The following ARFGEF3 variants were observed in gnomAD, a reference collection of about 807,000 sequenced individuals.
ARFGEF3 encodes brefeldin A-inhibited guanine nucleotide-exchange protein 3.
In ARFGEF3, 96 loss-of-function variants were observed where a neutral mutation model predicts 221.7. That is an observed-to-expected ratio of 0.43 (90% CI 0.37 to 0.51). ARFGEF3 has a LOEUF of 0.51. ARFGEF3 is among the 20% of genes least tolerant of loss of function. The probability of loss-of-function intolerance (pLI) is 0.00; values close to 1 mark genes in which losing one functional copy is unlikely to be tolerated. For missense variants in ARFGEF3, 2,410 were observed against 2,789.9 expected, an observed-to-expected ratio of 0.86 and a Z score of 3.07; for synonymous variants, 1,145 against 1,126.8, an observed-to-expected ratio of 1.02 and a Z score of -0.32.
intron 2 of ARFGEF3, among the ~76,000 whole-genome samples, chr6:138,194,989 A>ATT (rs747099029): frequency 0.018 from 1,495 of 84,112 alleles, 195 homozygotes; most frequent in African/African-American, 0.057. Flanking sequence ...CTTTTCCCTA[A>ATT]TTTTTTTTTT....
At position 138,296,842 on chromosome 6, in the gene ARFGEF3, G is replaced by A. The variant is rs370893557; in HGVS notation, c.3535G>A (p.Ala1179Thr). 27 of 1,613,812 alleles carry A rather than the reference G, an allele frequency of 1.7e-5. No homozygotes were observed. In the African/African-American group the frequency reaches 2.7e-4, roughly 16 times the overall value. Reference sequence around the variant, plus strand: ...TAAATCCACTCAAGACCGAAAAAGCGCCCTCCACCTGTTCCGCCTGGGGAA... The same window carrying A: ...TAAATCCACTCAAGACCGAAAAAGCACCCTCCACCTGTTCCGCCTGGGGAA... The part of the protein sequence containing the change: ...EVKSTQDRKS[A>T]LHLFRLGNAM... Residue 1179 changes from alanine to threonine, a missense_variant, in exon 21 of 34, where the codon GCC (alanine) becomes ACC (threonine). Around this residue, in one of 5 missense-constraint regions of ARFGEF3, gnomAD observed 723 missense variants for 991.9 expected, o/e 0.73. Coordinates refer to ENST00000251691, the MANE Select transcript of ARFGEF3 (RefSeq NM_020340.5).
chr6:138,183,370 TAAGA>T, intron 2 of ARFGEF3, among the ~76,000 whole-genome samples: 1 of 152,212 alleles, frequency 6.6e-6, no homozygotes, highest in Non-Finnish European at 1.5e-5. Flanking sequence ...AGGATTTGAT[TAAGA>T]AAGAAAACAA....
At chr6:138,266,451 C>T (rs369474853) in intron 12 of ARFGEF3, among the ~76,000 whole-genome samples, 40 of 152,182 alleles carry the variant, frequency 2.6e-4, no homozygotes, top group African/African-American at 9.4e-4. Context: ...GTTGTTCTGG[C>T]TGGTCTCAAA....
At chr6:138,206,960 G>A (rs1388630858) in intron 2 of ARFGEF3, 82 bp from the exon 3 acceptor site, 8 of 988,288 alleles carry the variant, frequency 8.1e-6, no homozygotes, top group Non-Finnish European at 1.3e-5. Flanking sequence ...TGGCATTTGG[G>A]GGTGGGTGTA....
intron 14 of ARFGEF3, 22 bp from the exon 15 acceptor site, chr6:138,285,924 C>T (rs1344056829): frequency 2.0e-6 from 3 of 1,530,828 alleles, no homozygotes; most frequent in African/African-American, 1.4e-5. Flanking sequence ...TTAGGGAAAA[C>T]TTCTTTCTTT....
rs576452968 is a variant in ARFGEF3 at position 138,262,667 on chromosome 6, A to G, written c.1218-34A>G. On this transcript the variant is annotated intron_variant, in intron 11 of 33. Transcript: ENST00000251691. ...CAGAGATATTTTCTACATTTTATGCATTTATTCCATTTTCTCTTTTGAACA... is the reference window on the plus strand; with the variant it reads ...CAGAGATATTTTCTACATTTTATGCGTTTATTCCATTTTCTCTTTTGAACA... The G allele has an allele frequency of 9.7e-6, 15 of 1,552,582 alleles. No homozygotes were observed. In the South Asian group the frequency reaches 1.8e-4, roughly 19 times the overall value.
intron 23 of ARFGEF3, 86 bp downstream of exon 23, chr6:138,307,483 A>T: frequency 8.2e-7 from 1 of 1,213,480 alleles, no homozygotes; most frequent in Non-Finnish European, 1.2e-6. Context: ...ATTGAACAAT[A>T]GGGAAGACAG....
rs190376530 is a variant in ARFGEF3 at position 138,192,519 on chromosome 6, G to T, written c.138-14523G>T. Among the ~76,000 whole-genome samples the T allele has an allele frequency of 1.2e-3, 188 of 152,136 alleles. 1 individual carries two copies. Among genetic ancestry groups the T allele is most frequent in the African/African-American group, 4.3e-3 (179 of 41,508 alleles). On this transcript the variant is annotated intron_variant, in intron 2 of 33. Coordinates refer to ENST00000251691, the MANE Select transcript of ARFGEF3 (RefSeq NM_020340.5). ...AAACTAACCAAACAAACTCAGCTATGAGGTCTCTTCCCTGGCTCTATCTTT... is the reference window on the plus strand; with the variant it reads ...AAACTAACCAAACAAACTCAGCTATTAGGTCTCTTCCCTGGCTCTATCTTT...
At chr6:138,250,478 T>C (rs374703551) in intron 8 of ARFGEF3, among the ~76,000 whole-genome samples, 2 of 152,248 alleles carry the variant, frequency 1.3e-5, no homozygotes, top group East Asian at 3.8e-4. Flanking sequence ...AGATGGGGCC[T>C]GCCAAAGCAT....
At chr6:138,164,041 C>T (rs542166993) in intron 1 of ARFGEF3, among the ~76,000 whole-genome samples, 1 of 152,236 alleles carries the variant, frequency 6.6e-6, no homozygotes, top group South Asian at 2.1e-4. Flanking sequence ...TAAGACCTCC[C>T]TGGTAATGAG....
At chr6:138,316,574 A>T (rs1389758037) in intron 26 of ARFGEF3, among the ~76,000 whole-genome samples, 1 of 152,196 alleles carries the variant, frequency 6.6e-6, no homozygotes, top group Non-Finnish European at 1.5e-5. Context: ...CTTTCTCCAT[A>T]GGTTAAGGCA....
At chr6:138,176,238 G>T (rs1335101024) in intron 2 of ARFGEF3, among the ~76,000 whole-genome samples, 1 of 147,802 alleles carries the variant, frequency 6.8e-6, no homozygotes, top group Non-Finnish European at 1.5e-5. Flanking sequence ...CTGAAGTGCA[G>T]TGGTGCAATC....
intron 4 of ARFGEF3, among the ~76,000 whole-genome samples, chr6:138,223,242 A>G (rs1185653571): frequency 6.6e-6 from 1 of 152,204 alleles, no homozygotes; most frequent in Non-Finnish European, 1.5e-5. Flanking sequence ...GCCGAATTTG[A>G]CAGTAAAAAA....
Position 138,286,806 on chromosome 6 carries a change from C to A in ARFGEF3, c.2675C>A (p.Ala892Asp). ...ATGGCGGGGAGCTCCAAAGGGCTGG[C>A]CTTCATTCTGGGAGCTGAAGGCATC... is the stretch of plus-strand genomic sequence containing the variant. ...GRMAGSSKGLAFILGAEGIKE... is the reference protein window; with the variant it reads ...GRMAGSSKGLDFILGAEGIKE... Residue 892 changes from alanine to aspartate, a missense_variant, in exon 16 of 34, where the codon GCC (alanine) becomes GAC (aspartate). Physicochemically the swap from Ala to Asp is moderately radical, Grantham distance 126. This residue lies in a region of ARFGEF3 where 594 missense variants were observed against 734.3 expected (regional missense o/e 0.81). Coordinates refer to ENST00000251691, the MANE Select transcript of ARFGEF3 (RefSeq NM_020340.5). The A allele has an allele frequency of 6.2e-7, 1 of 1,614,042 alleles. No individual in the cohort carries two copies. Among genetic ancestry groups the A allele is most frequent in the Non-Finnish European group, 8.5e-7 (1 of 1,179,900 alleles).
intron 12 of ARFGEF3, among the ~76,000 whole-genome samples, chr6:138,270,123 A>C (rs1778975704): frequency 6.6e-6 from 1 of 152,174 alleles, no homozygotes; most frequent in Admixed American, 6.5e-5. Context: ...GAAGCGCCAC[A>C]CAACAACCTC....
chr6:138,310,807 C>CA (rs1266888827), intron 24 of ARFGEF3, among the ~76,000 whole-genome samples: 3 of 152,186 alleles, frequency 2.0e-5, no homozygotes, highest in African/African-American at 7.2e-5. Flanking sequence ...TAGATATGTA[C>CA]AAAAAATAGA....
chr6:138,214,720 G>A (rs1777802504), intron 4 of ARFGEF3, among the ~76,000 whole-genome samples: 1 of 152,192 alleles, frequency 6.6e-6, no homozygotes, highest in Non-Finnish European at 1.5e-5. Flanking sequence ...ACAGAAACGG[G>A]CCAATAATGA....
At position 138,335,159 on chromosome 6, in the gene ARFGEF3, T is replaced by A; in HGVS notation, c.6313T>A (p.Ser2105Thr). Residue 2105 changes from serine to threonine, a missense_variant, in exon 33 of 34, where the codon TCG becomes ACG. Ser to Thr is a moderately conservative substitution (Grantham distance 58, BLOSUM62 1). Around this residue, in one of 5 missense-constraint regions of ARFGEF3, gnomAD observed 339 missense variants for 334.9 expected, o/e 1.01. Transcript: ENST00000251691. ...SGSTGSSLSVSVRDAEAQIQA... is the reference protein window; with the variant it reads ...SGSTGSSLSVTVRDAEAQIQA... ...CTCCACCGGGAGCTCCCTCAGTGTC[T>A]CGGTGAGAGACGCAGAAGCACAGAT... 1 of 1,565,746 alleles carries A rather than the reference T, an allele frequency of 6.4e-7. No individual in the cohort carries two copies. Among genetic ancestry groups the A allele is most frequent in the Non-Finnish European group, 8.6e-7 (1 of 1,162,414 alleles).
intron 14 of ARFGEF3, among the ~76,000 whole-genome samples, chr6:138,285,632 TA>T (rs1468988196): frequency 3.9e-5 from 6 of 152,246 alleles, no homozygotes; most frequent in Non-Finnish European, 8.8e-5. Context: ...TGGTTCTGAA[TA>T]AAAAGAGTAT....
Sources: gnomAD v4.1 joint callset for allele counts (sites outside exome capture counted in the v4.1 genomes callset) on GRCh38, gnomAD v4.1.1 for gene constraint, gnomAD v4.1.1 regional missense constraint, MANE v1.5 for transcripts, NCBI Gene and HGNC (gene_info 2026-07-23, HGNC 2026-07-21) for gene names.